Variants in GALNT13 observed in about 807,000 individuals in gnomAD.
GALNT13 encodes the protein UDP-GalNAc:polypeptide N-acetylgalactosaminyltransferase 13.
In GALNT13, 28 loss-of-function variants were observed where a neutral mutation model predicts 64.2. The observed-to-expected ratio is 0.44, with a 90% CI of 0.32 to 0.60. The LOEUF (loss-of-function observed/expected upper bound fraction) is 0.60. Ranked by LOEUF, GALNT13 falls within the 20% of genes least tolerant of loss-of-function variation. The probability of loss-of-function intolerance (pLI) is 0.05; values close to 1 mark genes in which losing one functional copy is unlikely to be tolerated. For synonymous variants in GALNT13, 214 were observed against 224.6 expected, an observed-to-expected ratio of 0.95 and a Z score of 0.42; for missense variants, 577 against 669.8, an observed-to-expected ratio of 0.86 and a Z score of 1.53.
chr2:153,807,843 C>T, the GALNT13 span, among the ~76,000 whole-genome samples: 2 of 152,038 alleles, frequency 1.3e-5, no homozygotes, highest in Admixed American at 6.5e-5. Flanking sequence ...TTTTTGTTTA[C>T]TGTGAGTTCA....
chr2:153,730,769 C>G, the GALNT13 span, among the ~76,000 whole-genome samples: 1 of 151,662 alleles, frequency 6.6e-6, no homozygotes, highest in African/African-American at 2.4e-5. Context: ...AGAAGACATA[C>G]AAGTGACTAA....
Position 154,231,221 on chromosome 2 carries a change from G to A in GALNT13, c.312-10809G>A, listed in dbSNP as rs568843777. On this transcript the variant is annotated intron_variant, in intron 4 of 12. Coordinates refer to ENST00000392825, the MANE Select transcript of GALNT13 (RefSeq NM_052917.4). Reference sequence around the variant, plus strand: ...TCTCATTCAAAGCAGCTATTTCCTCGGTTTCCTGGCAATACATACCTCCTT... The same window carrying A: ...TCTCATTCAAAGCAGCTATTTCCTCAGTTTCCTGGCAATACATACCTCCTT... Among the ~76,000 whole-genome samples the A allele has an allele frequency of 1.8e-4, 27 of 152,056 alleles. No homozygotes were observed. In the South Asian group the frequency reaches 3.1e-3, roughly 18 times the overall value.
chr2:153,281,920 G>A, the GALNT13 span, among the ~76,000 whole-genome samples: 2,129 of 150,754 alleles, frequency 0.014, 44 homozygotes, highest in Non-Finnish European at 0.017. Flanking sequence ...GGTGTTATCT[G>A]GATATCTTAT....
intron 12 of GALNT13, chr2:154,445,951 G>T: frequency 3.8e-6 from 2 of 522,304 alleles, no homozygotes; most frequent in Non-Finnish European, 3.4e-6. Context: ...ATTGTTTGGA[G>T]AATTAGATTA....
the GALNT13 span, among the ~76,000 whole-genome samples, chr2:153,767,637 G>C: frequency 6.6e-6 from 1 of 152,062 alleles, no homozygotes; most frequent in African/African-American, 2.4e-5. Flanking sequence ...TTTAGCAATA[G>C]CCATTTTGAA....
chr2:153,225,603 C>T, the GALNT13 span, among the ~76,000 whole-genome samples: 22 of 152,186 alleles, frequency 1.4e-4, no homozygotes, highest in Admixed American at 1.4e-3. Context: ...CTGTTAAAAA[C>T]CTCTGAAACT....
At chr2:154,242,249 G>GTT in intron 5 of GALNT13, 53 bp downstream of exon 5, 1 of 1,516,244 alleles carries the variant, frequency 6.6e-7, no homozygotes, top group Non-Finnish European at 9.0e-7. Context: ...GTTTTGTTTT[G>GTT]TTTTTTTGTA....
the GALNT13 span, among the ~76,000 whole-genome samples, chr2:153,457,473 G>A: frequency 2.6e-5 from 4 of 152,100 alleles, no homozygotes; most frequent in African/African-American, 9.7e-5. Context: ...AATTGAAAAT[G>A]GGACTTTGCT....
chr2:153,980,108 A>C (rs1694360216), intron 3 of GALNT13, among the ~76,000 whole-genome samples: 1 of 152,318 alleles, frequency 6.6e-6, no homozygotes, highest in Non-Finnish European at 1.5e-5. Flanking sequence ...CCAAGGCCCT[A>C]GGCAAGGAGG....
the GALNT13 span, among the ~76,000 whole-genome samples, chr2:153,270,178 A>G: frequency 2.0e-5 from 3 of 152,186 alleles, no homozygotes; most frequent in Non-Finnish European, 2.9e-5. Flanking sequence ...TAATCTGCAG[A>G]CCTTCTTTCA....
At chr2:154,391,959 A>C (rs773925719) in intron 9 of GALNT13, among the ~76,000 whole-genome samples, 20 of 152,206 alleles carry the variant, frequency 1.3e-4, no homozygotes, top group Non-Finnish European at 2.6e-4. Context: ...TGAAGAAGTA[A>C]ATTTTCAGCA....
the GALNT13 span, among the ~76,000 whole-genome samples, chr2:153,663,871 T>A: frequency 1.3e-5 from 2 of 152,180 alleles, no homozygotes; most frequent in Non-Finnish European, 2.9e-5. Flanking sequence ...TTAGGTGTGA[T>A]GTTTTAAAAC....
chr2:153,365,135 A>T, the GALNT13 span, among the ~76,000 whole-genome samples: 3 of 152,216 alleles, frequency 2.0e-5, no homozygotes, highest in African/African-American at 7.2e-5. Context: ...AAAACAAGCA[A>T]TAGGTAAAGG....
the GALNT13 span, among the ~76,000 whole-genome samples, chr2:153,379,003 G>T: frequency 6.6e-6 from 1 of 152,026 alleles, no homozygotes; most frequent in African/African-American, 2.4e-5. Flanking sequence ...GCTACAGCAG[G>T]TCCTCATCTC....
the GALNT13 span, among the ~76,000 whole-genome samples, chr2:153,078,755 C>G: frequency 6.6e-6 from 1 of 152,032 alleles, no homozygotes; most frequent in Non-Finnish European, 1.5e-5. Flanking sequence ...ATAAGATGCT[C>G]TCATTACTTT....
chr2:154,418,139 C>G (rs1300076347), intron 11 of GALNT13, among the ~76,000 whole-genome samples: 1 of 152,024 alleles, frequency 6.6e-6, no homozygotes, highest in African/African-American at 2.4e-5. Context: ...AACAAGTAAA[C>G]AATTGTTATA....
the GALNT13 span, among the ~76,000 whole-genome samples, chr2:153,136,902 A>G: frequency 1.4e-5 from 2 of 141,690 alleles, no homozygotes; most frequent in African/African-American, 5.0e-5. Flanking sequence ...ACAGTGAGGA[A>G]TGAGCAGTGG....
Position 154,029,153 on chromosome 2 carries a change from ATATT to A in GALNT13, c.142+84518_142+84521del, listed in dbSNP as rs576488051. ...CTTCAATGTATACTCAATATCTATA[ATATT>A]TATAGATATTATACAATTTATTTTG... On this transcript the variant is annotated intron_variant, in intron 3 of 12. Coordinates refer to ENST00000392825, the MANE Select transcript of GALNT13 (RefSeq NM_052917.4). Among the ~76,000 whole-genome samples the A allele has an allele frequency of 4.2e-4, 63 of 149,892 alleles. 2 individuals carry two copies. In the East Asian group the frequency reaches 0.012, roughly 29 times the overall value.
At chr2:153,579,325 G>C in the GALNT13 span, among the ~76,000 whole-genome samples, 1 of 151,864 alleles carries the variant, frequency 6.6e-6, no homozygotes, top group Non-Finnish European at 1.5e-5. Context: ...AGCTAATATA[G>C]GCTTTGAGGT....
Sources: allele counts gnomAD v4.1 joint callset (sites outside exome capture counted in the v4.1 genomes callset), GRCh38; gene constraint gnomAD v4.1.1; transcripts MANE v1.5; gene names NCBI Gene and HGNC (gene_info 2026-07-23, HGNC 2026-07-21).